SLC5A1: variants seen among roughly 807,000 people sequenced by gnomAD.
SLC5A1 encodes sodium/glucose cotransporter 1.
In SLC5A1, 42 loss-of-function variants were observed where a neutral mutation model predicts 73.5. That is an observed-to-expected ratio of 0.57 (90% CI 0.45 to 0.74). SLC5A1 has a LOEUF of 0.74. Ranked by LOEUF, SLC5A1 falls within the 30% of genes least tolerant of loss-of-function variation. SLC5A1 has a pLI of 0.00. For synonymous variants in SLC5A1, 300 were observed against 317.4 expected, an observed-to-expected ratio of 0.95 and a Z score of 0.58; for missense variants, 634 against 855.4, an observed-to-expected ratio of 0.74 and a Z score of 3.23.
chr22:32,092,435 T>A (rs187678046), intron 11 of SLC5A1, among the ~76,000 whole-genome samples: 243 of 152,348 alleles, frequency 1.6e-3, no homozygotes, highest in African/African-American at 5.4e-3. Flanking sequence ...CTTTTTTGTA[T>A]AACGACTTCT....
chr22:32,078,954 C>CAAAAAAA lies in SLC5A1; in HGVS notation c.478-2888_478-2882dup, dbSNP rs6147589. On this transcript the variant is annotated intron_variant, in intron 5 of 14. Coordinates refer to ENST00000266088, the MANE Select transcript of SLC5A1 (RefSeq NM_000343.4). Reference sequence around the variant, plus strand: ...TGGCGAAAGAGCAAGACTCTGTCTCCAAAAAAAAAAAAAAAAAAAAAAAAA... The same window carrying CAAAAAAA: ...TGGCGAAAGAGCAAGACTCTGTCTCCAAAAAAAAAAAAAAAAAAAAAAAAAAAAAAAA... 2.7e-4 allele frequency among the ~76,000 whole-genome samples: 29 copies of CAAAAAAA among 109,086 alleles called. 1 individual carries two copies. Among genetic ancestry groups the CAAAAAAA allele is most frequent in the African/African-American group, 6.2e-4 (14 of 22,718 alleles). The allele number at this position is 109,086 out of a possible 152,430, so 71.6% of individuals were successfully genotyped here. A position where few individuals can be genotyped will look rare whatever the true frequency, so the allele number is the denominator to read the frequency against.
chr22:32,103,199 A>G (rs1234108376), intron 13 of SLC5A1, among the ~76,000 whole-genome samples: 1 of 152,208 alleles, frequency 6.6e-6, no homozygotes, highest in Non-Finnish European at 1.5e-5. Context: ...ACAGTGTTTG[A>G]GGATTCCCCT....
At chr22:32,063,170 A>G (rs375442762) in intron 2 of SLC5A1, among the ~76,000 whole-genome samples, 15 of 152,248 alleles carry the variant, frequency 9.9e-5, no homozygotes, top group African/African-American at 3.4e-4. Context: ...TAAAAGCCCT[A>G]TCTCCAAATA....
intron 11 of SLC5A1, among the ~76,000 whole-genome samples, chr22:32,097,917 C>T (rs1215110257): frequency 6.6e-6 from 1 of 152,040 alleles, no homozygotes; most frequent in Non-Finnish European, 1.5e-5. Context: ...AATAAAACAA[C>T]CAAATTAAGA....
chr22:32,091,664 G>A lies in SLC5A1; in HGVS notation c.1182G>A (p.Leu394=), dbSNP rs182951924. 2.5e-6 allele frequency: 4 copies of A among 1,614,116 alleles called. No homozygotes were observed. The highest frequency in any genetic ancestry group is 3.4e-6 in the Non-Finnish European group (4 of 1,180,014). ...TGCTGGCCTCCCTCATGAGCTCCCTGACCTCCATCTTCAACAGCGCCAGCA... is the reference window on the plus strand; with the variant it reads ...TGCTGGCCTCCCTCATGAGCTCCCTAACCTCCATCTTCAACAGCGCCAGCA... ...SVMLASLMSS[L]TSIFNSASTL... The change falls in exon 11 of 15, where the codon CTG becomes CTA. Residue 394 remains leucine (L), a synonymous_variant. Coordinates refer to ENST00000266088, the MANE Select transcript of SLC5A1 (RefSeq NM_000343.4).
At chr22:32,058,191 G>T (rs1036791648) in intron 2 of SLC5A1, among the ~76,000 whole-genome samples, 2 of 151,924 alleles carry the variant, frequency 1.3e-5, no homozygotes, top group Admixed American at 6.6e-5. Flanking sequence ...ATGTCATAAC[G>T]AATTCTTCAA....
chr22:32,063,328 CTGAT>C, intron 2 of SLC5A1, among the ~76,000 whole-genome samples: 1 of 152,242 alleles, frequency 6.6e-6, no homozygotes, highest in East Asian at 1.9e-4. Flanking sequence ...GGAAGGGACA[CTGAT>C]TGAGAATCAG....
At chr22:32,060,607 G>T (rs1463132431) in intron 2 of SLC5A1, among the ~76,000 whole-genome samples, 3 of 151,984 alleles carry the variant, frequency 2.0e-5, no homozygotes, top group African/African-American at 7.3e-5. Context: ...GTCTTATTCT[G>T]TCCCCCCAAT....
At chr22:32,101,303 T>C (rs2094035911) in intron 12 of SLC5A1, among the ~76,000 whole-genome samples, 2 of 150,618 alleles carry the variant, frequency 1.3e-5, no homozygotes, top group Non-Finnish European at 3.0e-5. Context: ...AAGGGAAAGA[T>C]AGAAAGGAAA....
chr22:32,095,916 C>T (rs985516583), intron 11 of SLC5A1, among the ~76,000 whole-genome samples: 2 of 152,148 alleles, frequency 1.3e-5, no homozygotes, highest in South Asian at 2.1e-4. Context: ...ATACTTCTCC[C>T]GTGATCTAGA....
At chr22:32,109,550 C>T (rs764661170) in intron 14 of SLC5A1, among the ~76,000 whole-genome samples, 14 of 152,244 alleles carry the variant, frequency 9.2e-5, no homozygotes, top group African/African-American at 2.7e-4. Context: ...ATGTAACCAA[C>T]GCACTCCTGA....
chr22:32,088,125 A>T (rs922599424), intron 10 of SLC5A1, among the ~76,000 whole-genome samples: 1 of 152,156 alleles, frequency 6.6e-6, no homozygotes, highest in Non-Finnish European at 1.5e-5. Context: ...TCTTCTAGAA[A>T]AGTTCTGGCA....
chr22:32,074,586 A>G (rs1603121206), intron 5 of SLC5A1, among the ~76,000 whole-genome samples: 1 of 152,246 alleles, frequency 6.6e-6, no homozygotes, highest in East Asian at 1.9e-4. Context: ...TTCCCAGTCC[A>G]GACTCTATAC....
intron 5 of SLC5A1, among the ~76,000 whole-genome samples, chr22:32,078,571 G>C (rs1321439469): frequency 6.6e-6 from 1 of 152,092 alleles, no homozygotes; most frequent in Non-Finnish European, 1.5e-5. Context: ...TGCCTGGCCT[G>C]TGGTGTTTAT....
At chr22:32,058,353 C>A (rs943904075) in intron 2 of SLC5A1, among the ~76,000 whole-genome samples, 4 of 152,212 alleles carry the variant, frequency 2.6e-5, no homozygotes, top group Admixed American at 2.0e-4. Flanking sequence ...GAGATCCCAT[C>A]TCTACAAAAA....
chr22:32,106,932 T>C (rs562706479), intron 14 of SLC5A1, among the ~76,000 whole-genome samples: 2 of 152,306 alleles, frequency 1.3e-5, no homozygotes, highest in South Asian at 2.1e-4. Context: ...AGGAACATCA[T>C]AGAATCCTAC....
At chr22:32,101,989 C>G (rs1158026751) in intron 12 of SLC5A1, 33 bp from the exon 13 acceptor site, 1 of 1,519,270 alleles carries the variant, frequency 6.6e-7, no homozygotes, top group Non-Finnish European at 9.1e-7. Context: ...TTTGTGTGTT[C>G]AGCATGAGTT....
At chr22:32,091,302 C>T (rs1603134750) in intron 10 of SLC5A1, among the ~76,000 whole-genome samples, 1 of 35,252 alleles carries the variant, frequency 2.8e-5, no homozygotes, top group African/African-American at 2.1e-4. Flanking sequence ...TACACAAACA[C>T]ACACACACAC....
At chr22:32,104,441 A>T (rs2094041544) in intron 13 of SLC5A1, among the ~76,000 whole-genome samples, 1 of 152,204 alleles carries the variant, frequency 6.6e-6, no homozygotes, top group African/African-American at 2.4e-5. Context: ...ACCTGGACAA[A>T]TGGTTGTCTT....
Sources: allele counts gnomAD v4.1 joint callset (sites outside exome capture counted in the v4.1 genomes callset), GRCh38; gene constraint gnomAD v4.1.1; transcripts MANE v1.5; gene names NCBI Gene and HGNC (gene_info 2026-07-23, HGNC 2026-07-21).